The following RPS6KA2 variants were observed in gnomAD, a reference collection of about 807,000 sequenced individuals.
The protein encoded by RPS6KA2 is ribosomal protein S6 kinase alpha-2.
RPS6KA2 carries 42 observed loss-of-function variants against 91.8 expected under a neutral mutation model. The observed-to-expected ratio is 0.46, with a 90% confidence interval of 0.36 to 0.59. The LOEUF (loss-of-function observed/expected upper bound fraction) is 0.59, where lower values mean the gene tolerates loss of function less well. RPS6KA2 is among the 20% of genes least tolerant of loss of function. The pLI, the probability that RPS6KA2 is intolerant of heterozygous loss-of-function variation, is 0.00. For synonymous variants in RPS6KA2, 414 were observed against 393.6 expected (o/e 1.05, Z -0.61); for missense variants, 798 against 978.5 (o/e 0.82, Z 2.46).
intron 2 of RPS6KA2, among the ~76,000 whole-genome samples, chr6:166,768,739 C>T (rs559545378): frequency 6.6e-6 from 1 of 152,194 alleles, no homozygotes; most frequent in Non-Finnish European, 1.5e-5. Context: ...GGGCTGCTCC[C>T]GGGTGACGCT....
intron 2 of RPS6KA2, among the ~76,000 whole-genome samples, chr6:166,832,105 G>A (rs902639852): frequency 1.3e-5 from 2 of 152,052 alleles, no homozygotes; most frequent in African/African-American, 4.8e-5. Flanking sequence ...ACAGTAGTGA[G>A]TTGGTTGCAT....
At chr6:166,763,600 G>C (rs1230040128) in intron 2 of RPS6KA2, among the ~76,000 whole-genome samples, 1 of 152,232 alleles carries the variant, frequency 6.6e-6, no homozygotes, top group African/African-American at 2.4e-5. Context: ...GCAAGGAAGG[G>C]AACCTTGGAT....
chr6:166,852,355 A>G lies in RPS6KA2; in HGVS notation c.123+5845T>C, dbSNP rs568944950. Reference sequence around the variant, plus strand: ...GTAAACAGTAATTGCATTGCTCTTAATTGCTTCATTAGTGCCTGGGCTTCA... The same window carrying G: ...GTAAACAGTAATTGCATTGCTCTTAGTTGCTTCATTAGTGCCTGGGCTTCA... On this transcript the variant is annotated intron_variant, in intron 2 of 21. Coordinates refer to the RPS6KA2 transcript ENST00000503859. This position sits in a 1 kb window ranked among gnomAD's most constrained non-coding sequence, Gnocchi z 4.1. 6.6e-6 allele frequency among the ~76,000 whole-genome samples: 1 copy of G among 152,114 alleles called. No individual in the cohort carries two copies. Among genetic ancestry groups the G allele is most frequent in the Non-Finnish European group, 1.5e-5 (1 of 68,022 alleles).
intron 20 of RPS6KA2, among the ~76,000 whole-genome samples, 191 bp downstream of exon 20, chr6:166,413,603 G>C (rs1273909532): frequency 6.6e-6 from 1 of 152,222 alleles, no homozygotes; most frequent in African/African-American, 2.4e-5. Flanking sequence ...ACCTACTCAG[G>C]TAGGAGCCCT....
intron 2 of RPS6KA2, among the ~76,000 whole-genome samples, chr6:166,785,563 C>T (rs1269031518): frequency 2.6e-5 from 4 of 152,256 alleles, no homozygotes; most frequent in Non-Finnish European, 5.9e-5. Flanking sequence ...TTCGAGAGCT[C>T]CACTCACGTG....
intron 14 of RPS6KA2, among the ~76,000 whole-genome samples, chr6:166,438,988 A>G (rs1471245482): frequency 6.6e-6 from 1 of 152,244 alleles, no homozygotes; most frequent in Non-Finnish European, 1.5e-5. Context: ...GCAGAAAGAA[A>G]TGGATTCCAA....
At chr6:166,539,873 C>T (rs556407133) in intron 1 of RPS6KA2, among the ~76,000 whole-genome samples, 2 of 152,342 alleles carry the variant, frequency 1.3e-5, no homozygotes, top group South Asian at 4.1e-4. Context: ...TTCTGTTCCA[C>T]TATCTATACA....
intron 10 of RPS6KA2, among the ~76,000 whole-genome samples, chr6:166,487,119 C>G (rs1445616186): frequency 6.6e-6 from 1 of 152,216 alleles, no homozygotes; most frequent in African/African-American, 2.4e-5. Context: ...GCAGGTATGG[C>G]TATTTCTGTT....
chr6:166,744,001 C>G (rs796213298), intron 2 of RPS6KA2, among the ~76,000 whole-genome samples: 3 of 152,266 alleles, frequency 2.0e-5, no homozygotes, highest in African/African-American at 7.2e-5. Context: ...ATCTGTCTTT[C>G]CTGTCAACCA....
chr6:166,619,370 A>C (rs1786541004), intron 1 of RPS6KA2, among the ~76,000 whole-genome samples: 1 of 152,240 alleles, frequency 6.6e-6, no homozygotes, highest in African/African-American at 2.4e-5. Flanking sequence ...GCTCTTTTGA[A>C]AGTTGTTTTG....
intron 2 of RPS6KA2, among the ~76,000 whole-genome samples, chr6:166,779,865 C>T (rs909306754): frequency 2.0e-5 from 3 of 152,180 alleles, no homozygotes; most frequent in African/African-American, 4.8e-5. Flanking sequence ...AAAGGACTCA[C>T]CAAGTCCCTC....
At chr6:166,782,916 C>A (rs1240891053) in intron 2 of RPS6KA2, among the ~76,000 whole-genome samples, 2 of 142,220 alleles carry the variant, frequency 1.4e-5, no homozygotes, top group Non-Finnish European at 3.0e-5. Context: ...CCACCCCAGG[C>A]TTGTCTAATC....
At chr6:166,476,932 C>T (rs1780997829) in intron 10 of RPS6KA2, among the ~76,000 whole-genome samples, 1 of 152,152 alleles carries the variant, frequency 6.6e-6, no homozygotes, top group East Asian at 1.9e-4. Context: ...AACGAGGCCT[C>T]TAACAGCCAC....
chr6:166,724,585 C>T (rs1477453188), intron 2 of RPS6KA2, among the ~76,000 whole-genome samples: 6 of 152,150 alleles, frequency 3.9e-5, no homozygotes, highest in Admixed American at 3.9e-4. Context: ...TGTGCTCACC[C>T]CACTTATGCT....
At chr6:166,860,598 G>A (rs772409330) in intron 1 of RPS6KA2, among the ~76,000 whole-genome samples, 4 of 152,134 alleles carry the variant, frequency 2.6e-5, no homozygotes, top group Non-Finnish European at 5.9e-5. Flanking sequence ...AAAGCCCCTG[G>A]CCCCCTCTCT....
At chr6:166,464,521 C>T (rs1780448483) in intron 11 of RPS6KA2, among the ~76,000 whole-genome samples, 1 of 152,238 alleles carries the variant, frequency 6.6e-6, no homozygotes, top group Non-Finnish European at 1.5e-5. Flanking sequence ...GACTGTGTGT[C>T]TCCAGCATCA....
chr6:166,510,162 C>A, intron 4 of RPS6KA2, 115 bp downstream of exon 4: 1 of 615,576 alleles, frequency 1.6e-6, no homozygotes. Context: ...GGGCAGGACT[C>A]TATGGTATAG....
chr6:166,772,827 G>A (rs926018862), intron 2 of RPS6KA2, among the ~76,000 whole-genome samples: 6 of 152,176 alleles, frequency 3.9e-5, no homozygotes, highest in Non-Finnish European at 7.3e-5. Context: ...GTCTTGTTTA[G>A]AATCACTGAC....
intron 2 of RPS6KA2, among the ~76,000 whole-genome samples, chr6:166,711,088 C>T (rs1309968528): frequency 6.6e-6 from 1 of 151,786 alleles, no homozygotes; most frequent in Non-Finnish European, 1.5e-5. Flanking sequence ...GTGGTGTCCA[C>T]TGGTGGTGGT....
Sources: allele counts gnomAD v4.1 joint callset (sites outside exome capture counted in the v4.1 genomes callset), GRCh38; gene constraint gnomAD v4.1.1; non-coding constraint Gnocchi (gnomAD v3.1); transcripts MANE v1.5; gene names NCBI Gene and HGNC (gene_info 2026-07-23, HGNC 2026-07-21).